The following PRMT2 variants were observed in gnomAD, a reference collection of about 807,000 sequenced individuals.
PRMT2 encodes the protein protein arginine methyltransferase 2.
A neutral mutation model predicts 57.6 loss-of-function variants in PRMT2; 26 were observed. The ratio of observed to expected loss-of-function variants is 0.45; its 90% CI spans 0.33 to 0.63. The LOEUF is 0.63. Among genes scored for constraint, PRMT2 ranks in the 20% least tolerant of loss-of-function variants. The probability of loss-of-function intolerance (pLI) is 0.02; values close to 1 mark genes in which losing one functional copy is unlikely to be tolerated. For missense variants in PRMT2, 472 were observed against 564.4 expected (o/e 0.84, Z 1.66); for synonymous variants, 219 against 220.0 (o/e 1.00, Z 0.04).
chr21:46,636,963 A>G lies in PRMT2; in HGVS notation c.12A>G (p.Ser4=), dbSNP rs200570426. 2.3e-5 allele frequency: 37 copies of G among 1,613,918 alleles called. No homozygotes were observed. The highest frequency in any genetic ancestry group is 2.8e-5 in the Non-Finnish European group (33 of 1,179,942). ...AGCCTAAGAGAACTATGGCAACATCAGGTGACTGTCCCAGAAGTGAATCGC... is the reference window on the plus strand; with the variant it reads ...AGCCTAAGAGAACTATGGCAACATCGGGTGACTGTCCCAGAAGTGAATCGC... MAT[S]GDCPRSESQG... The change falls in exon 3 of 12, where the codon TCA becomes TCG. Residue 4 remains serine (S), a synonymous_variant. Transcript: ENST00000355680.
At chr21:46,660,169 T>C in intron 8 of PRMT2, 1 of 978,240 alleles carries the variant, frequency 1.0e-6, no homozygotes. Context: ...GCTTTGCTTA[T>C]TTTTTACAAC....
chr21:46,660,729 T>C, intron 8 of PRMT2, 104 bp from the exon 9 acceptor site: 1 of 1,415,586 alleles, frequency 7.1e-7, no homozygotes, highest in Non-Finnish European at 9.6e-7. Flanking sequence ...CTTAGCATCC[T>C]GGTGACACAG....
chr21:46,660,902 C>G lies in PRMT2; in HGVS notation c.900C>G (p.Leu300=). The G allele has an allele frequency of 6.2e-7, 1 of 1,613,526 alleles. No homozygotes were observed. Among genetic ancestry groups the G allele is most frequent in the Non-Finnish European group, 8.5e-7 (1 of 1,179,460 alleles). Residue 300 remains leucine, a synonymous_variant, in exon 9 of 12, where the codon CTC becomes CTG. Coordinates refer to ENST00000355680, the MANE Select transcript of PRMT2 (RefSeq NM_206962.4). ...ACATTTTGAAACCAGAAGACTGTCT[C>G]TCTGAACCGTGCACTATATTGCAGT... ...YNHILKPEDC[L]SEPCTILQLD...
chr21:46,662,871 T>C (rs1031820730), intron 10 of PRMT2, among the ~76,000 whole-genome samples: 1 of 152,210 alleles, frequency 6.6e-6, no homozygotes, highest in Non-Finnish European at 1.5e-5. Context: ...AGCGACTCCT[T>C]GGACCTGATT....
rs1397507101 is a variant in PRMT2, at chr21:46,653,781, A to G, written c.654+4042A>G. On this transcript the variant is annotated intron_variant, in intron 7 of 11. Transcript: ENST00000355680. ...TTAAAGCTTGCCTCATACAAAGTAC[A>G]GAGACATCTTTTTCAGGAAACATTG... The G allele has an allele frequency of 2.3e-5, 25 of 1,107,704 alleles. No homozygotes were observed. In the East Asian group the frequency reaches 1.3e-3, roughly 56 times the overall value. The allele number at this position is 1,107,704 out of a possible 1,614,324, so 68.6% of individuals were successfully genotyped here. A position where few individuals can be genotyped will look rare whatever the true frequency, so the allele number is the denominator to read the frequency against.
At chr21:46,656,958 C>T (rs2061549631) in intron 7 of PRMT2, 1 of 152,146 alleles carries the variant, frequency 6.6e-6, no homozygotes, top group Admixed American at 6.5e-5. Flanking sequence ...AATCTCAAAA[C>T]TCAACAGGAA....
chr21:46,649,893 G>A lies in PRMT2; in HGVS notation c.654+154G>A. 4.1e-6 allele frequency: 6 copies of A among 1,467,024 alleles called. No homozygotes were observed. Among genetic ancestry groups the A allele is most frequent in the Non-Finnish European group, 5.4e-6 (6 of 1,103,138 alleles). The allele number at this position is 1,467,024 out of a possible 1,614,324, so 90.9% of individuals were successfully genotyped here. ...CTAATTAATTTCTTGTGTGGACATT[G>A]GCTCAGTGTCTTGAATTTTCACCTG... On this transcript the variant is annotated intron_variant, in intron 7 of 11. Transcript: ENST00000355680. The surrounding 1 kb of genome is among the most constrained non-coding windows in gnomAD (Gnocchi z 4.8).
intron 7 of PRMT2, chr21:46,653,446 A>C: frequency 2.0e-6 from 2 of 998,626 alleles, no homozygotes; most frequent in African/African-American, 1.7e-5. Context: ...CTCTGGCCTA[A>C]ATGTATTTGC....
intron 7 of PRMT2, chr21:46,653,332 A>G: frequency 2.0e-6 from 2 of 985,456 alleles, no homozygotes; most frequent in African/African-American, 3.5e-5. Context: ...TAAGAATTTA[A>G]TTTCATACCA....
At chr21:46,659,006 C>G in intron 8 of PRMT2, 86 bp downstream of exon 8, 1 of 1,504,476 alleles carries the variant, frequency 6.6e-7, no homozygotes, top group South Asian at 1.3e-5. Flanking sequence ...TGGGAGATCC[C>G]ATACGACGGT....
At chr21:46,653,214 T>C in intron 7 of PRMT2, 1 of 985,432 alleles carries the variant, frequency 1.0e-6, no homozygotes, top group African/African-American at 1.7e-5. Context: ...AAAGATGTAA[T>C]AATTCTCTTC....
chr21:46,658,524 A>G (rs2061572211), intron 7 of PRMT2: 2 of 679,212 alleles, frequency 2.9e-6, no homozygotes, highest in Non-Finnish European at 4.6e-6. Context: ...CTAATGGGAA[A>G]TTATGTGACT....
chr21:46,649,383 G>C lies in PRMT2; in HGVS notation c.490-192G>C, dbSNP rs1475753829. The C allele has an allele frequency of 4.9e-6, 4 of 808,406 alleles. No homozygotes were observed. Among genetic ancestry groups the C allele is most frequent in the Non-Finnish European group, 8.2e-6 (4 of 487,302 alleles). The allele number at this position is 808,406 out of a possible 1,614,324, so 50.1% of individuals were successfully genotyped here. On this transcript the variant is annotated intron_variant, in intron 6 of 11. Coordinates refer to ENST00000355680, the MANE Select transcript of PRMT2 (RefSeq NM_206962.4). The surrounding 1 kb of genome is among the most constrained non-coding windows in gnomAD (Gnocchi z 4.8). ...CCGGGAGGTGGGGGCAGTTGGGAGG[G>C]TTAGAGGCGGCTCCTTTCTGGGTGC... is the stretch of plus-strand genomic sequence containing the variant.
chr21:46,659,412 A>G lies in PRMT2; in HGVS notation c.830+492A>G, dbSNP rs2061587624. ...AGAAATCAGCAAAAACACGATTGTA[A>G]AAGCAAACAAGTAATTAGAGAAATC... On this transcript the variant is annotated intron_variant, in intron 8 of 11. Coordinates refer to ENST00000355680, the MANE Select transcript of PRMT2 (RefSeq NM_206962.4). 6 of 985,726 alleles carry G rather than the reference A, an allele frequency of 6.1e-6. 1 individual carries two copies. The South Asian group carries it at 2.3e-4, about 39-fold the overall frequency. The allele number at this position is 985,726 out of a possible 1,614,324, so 61.1% of individuals were successfully genotyped here.
rs2061657325 is a variant in PRMT2 at position 46,663,235 on chromosome 21, T to C, written c.1098-148T>C. On this transcript the variant is annotated intron_variant, in intron 10 of 11. Coordinates refer to ENST00000355680, the MANE Select transcript of PRMT2 (RefSeq NM_206962.4). ...CCTGAGTTAGCCTGAAAAGCCAAGC[T>C]TTGTGTCCCCAGGCCCTCAGGGTGG... The C allele has an allele frequency of 4.3e-6, 3 of 698,636 alleles. No homozygotes were observed. In the East Asian group the frequency reaches 8.3e-5, roughly 19 times the overall value. 43.3% of individuals were successfully genotyped at this position (698,636 alleles called of 1,614,324 possible).
At chr21:46,652,796 T>C in intron 7 of PRMT2, 3 of 1,228,114 alleles carry the variant, frequency 2.4e-6, no homozygotes, top group Non-Finnish European at 3.2e-6. Context: ...TTAATCATTT[T>C]TGTTAACAAA....
In PRMT2 at chr21:46,638,923, G is replaced by A. The variant is rs1307369474; in HGVS notation, c.39+1933G>A. Among the ~76,000 whole-genome samples, 4 of 152,024 alleles carry A rather than the reference G, an allele frequency of 2.6e-5. No individual in the cohort carries two copies. The East Asian group carries it at 7.7e-4, about 29-fold the overall frequency. On this transcript the variant is annotated intron_variant, in intron 3 of 11. Coordinates refer to ENST00000355680, the MANE Select transcript of PRMT2 (RefSeq NM_206962.4). ...GCTTTTGTCTTTATTTCATTCTGTTGTATTTGGGTTAATTTTTATAACATC... is the reference window on the plus strand; with the variant it reads ...GCTTTTGTCTTTATTTCATTCTGTTATATTTGGGTTAATTTTTATAACATC...
intron 4 of PRMT2, among the ~76,000 whole-genome samples, 166 bp downstream of exon 4, chr21:46,643,805 A>G (rs1601922543): frequency 6.6e-6 from 1 of 152,222 alleles, no homozygotes; most frequent in African/African-American, 2.4e-5. Context: ...TTCTGCCTCA[A>G]GCATGATGTA....
chr21:46,643,262 C>T (rs1459316633), intron 3 of PRMT2: 10 of 347,314 alleles, frequency 2.9e-5, no homozygotes, highest in Non-Finnish European at 4.0e-5. Context: ...ACAAGGGCTC[C>T]TCACCAAATA....
Sources: gnomAD v4.1 joint callset for allele counts (sites outside exome capture counted in the v4.1 genomes callset) on GRCh38, gnomAD v4.1.1 for gene constraint, Gnocchi (gnomAD v3.1) non-coding constraint, MANE v1.5 for transcripts, NCBI Gene and HGNC (gene_info 2026-07-23, HGNC 2026-07-21) for gene names.